Variants in TMEM132C observed in about 807,000 individuals in gnomAD.
TMEM132C encodes the protein transmembrane protein 132C.
In TMEM132C, 29 loss-of-function variants were observed where a neutral mutation model predicts 61.4. The observed-to-expected ratio is 0.47, with a 90% confidence interval of 0.35 to 0.64. TMEM132C has a LOEUF of 0.64. TMEM132C is among the 30% of genes least tolerant of loss of function. TMEM132C has a pLI of 0.00. For synonymous variants in TMEM132C, 656 were observed against 633.1 expected (o/e 1.04, Z -0.54); for missense variants, 1,408 against 1,476.9 (o/e 0.95, Z 0.76).
chr12:128,359,121 G>A (rs1338973428), intron 1 of TMEM132C, among the ~76,000 whole-genome samples: 2 of 152,202 alleles, frequency 1.3e-5, no homozygotes, highest in African/African-American at 4.8e-5. Flanking sequence ...AAGTAGTGGA[G>A]CCCAGGACTC....
At position 128,415,284 on chromosome 12, in the gene TMEM132C, G is replaced by A. The variant is rs1396492058; in HGVS notation, c.638G>A (p.Gly213Glu). 9.4e-6 allele frequency: 15 copies of A among 1,597,714 alleles called. No homozygotes were observed. Among genetic ancestry groups the A allele is most frequent in the Non-Finnish European group, 1.3e-5 (15 of 1,172,068 alleles). The change falls in exon 2 of 9, where the codon GGG becomes GAG. Residue 213 changes from glycine to glutamate, a missense_variant. Transcript: ENST00000435159. The surrounding 1 kb of genome is among the most constrained non-coding windows in gnomAD (Gnocchi z 5.8). ...TTCAGTGCCCCGACGGTGGGTGCCG[G>A]GAGGAAGAAGTCCATGGACCAGCCG... The part of the protein sequence containing the change: ...SWFSAPTVGA[G>E]RKKSMDQPEG...
chr12:128,531,605 C>A (rs1873308172), intron 2 of TMEM132C, among the ~76,000 whole-genome samples: 1 of 152,248 alleles, frequency 6.6e-6, no homozygotes, highest in Admixed American at 6.5e-5. Flanking sequence ...AGGCACATAC[C>A]TGCTCACATG....
intron 1 of TMEM132C, among the ~76,000 whole-genome samples, chr12:128,382,970 A>G (rs918175942): frequency 6.6e-6 from 1 of 151,562 alleles, no homozygotes; most frequent in Non-Finnish European, 1.5e-5. Context: ...GTGTGTGTGT[A>G]CAGGTCTGTC....
rs1868717425 is a variant in TMEM132C, at chr12:128,415,082, A to G, written c.436A>G (p.Lys146Glu). The G allele has an allele frequency of 6.2e-7, 1 of 1,605,058 alleles. No individual in the cohort carries two copies. The highest frequency in any genetic ancestry group is 1.3e-5 in the African/African-American group (1 of 74,660). Residue 146 changes from lysine to glutamate, a missense_variant, in exon 2 of 9, where the codon AAA becomes GAA. Coordinates refer to ENST00000435159, the MANE Select transcript of TMEM132C (RefSeq NM_001136103.3). This position sits in a 1 kb window ranked among gnomAD's most constrained non-coding sequence, Gnocchi z 5.8. The part of the protein sequence containing the change: ...LRDKVYLSRP[K>E]VQVLFHIMGR... ...GGACAAAGTCTACCTGAGCCGGCCC[A>G]AAGTGCAGGTTCTTTTCCACATCAT...
intron 3 of TMEM132C, among the ~76,000 whole-genome samples, chr12:128,612,001 C>T (rs1293877280): frequency 2.0e-5 from 3 of 152,122 alleles, no homozygotes; most frequent in African/African-American, 7.2e-5. Context: ...TTTTTAGAGA[C>T]GAAGAAGACA....
chr12:128,518,151 C>T (rs570940232), intron 2 of TMEM132C, among the ~76,000 whole-genome samples: 6 of 152,324 alleles, frequency 3.9e-5, no homozygotes, highest in Non-Finnish European at 5.9e-5. Flanking sequence ...CTCGGCCCTG[C>T]GCTTTCTGGG....
At chr12:128,533,232 T>A (rs755957013) in intron 2 of TMEM132C, among the ~76,000 whole-genome samples, 5 of 152,198 alleles carry the variant, frequency 3.3e-5, no homozygotes, top group Non-Finnish European at 7.3e-5. Flanking sequence ...AATGGGACCC[T>A]ACAGCTGCTG....
chr12:128,304,112 A>G (rs866274497), intron 1 of TMEM132C, among the ~76,000 whole-genome samples: 1 of 152,196 alleles, frequency 6.6e-6, no homozygotes, highest in Non-Finnish European at 1.5e-5. Flanking sequence ...GATACCCTTC[A>G]TGTTACACAA....
At chr12:128,551,434 C>T (rs1330159955) in intron 3 of TMEM132C, among the ~76,000 whole-genome samples, 5 of 152,144 alleles carry the variant, frequency 3.3e-5, no homozygotes, top group Admixed American at 6.5e-5. Flanking sequence ...CACCAGACCG[C>T]GTGGCATTTG....
rs139905361 is a variant in TMEM132C at position 128,568,598 on chromosome 12, C to T, written c.1121+24495C>T. The stretch of plus-strand genomic sequence containing the variant: ...CAGATGCTGAAACTGAAGCCCAGAG[C>T]GTTTAAGAAATGCTCCAAGGTCACA... On this transcript the variant is annotated intron_variant, in intron 3 of 8. Coordinates refer to ENST00000435159, the MANE Select transcript of TMEM132C (RefSeq NM_001136103.3). Among the ~76,000 whole-genome samples, 226 of 152,272 alleles carry T rather than the reference C, an allele frequency of 1.5e-3. 1 individual carries two copies. The highest frequency in any genetic ancestry group is 3.4e-3 in the Middle Eastern group (1 of 294).
intron 1 of TMEM132C, among the ~76,000 whole-genome samples, chr12:128,402,499 T>C (rs1409520154): frequency 1.3e-5 from 2 of 152,160 alleles, no homozygotes; most frequent in Non-Finnish European, 2.9e-5. Context: ...AAAATACATA[T>C]GTGTTGTTTT....
At chr12:128,627,489 T>A (rs1954027037) in intron 4 of TMEM132C, among the ~76,000 whole-genome samples, 1 of 152,174 alleles carries the variant, frequency 6.6e-6, no homozygotes, top group South Asian at 2.1e-4. Flanking sequence ...GGATTTTGTC[T>A]CTATCTCATT....
At chr12:128,584,797 G>A (rs1875478820) in intron 3 of TMEM132C, among the ~76,000 whole-genome samples, 2 of 152,180 alleles carry the variant, frequency 1.3e-5, no homozygotes, top group African/African-American at 2.4e-5. Flanking sequence ...CTGGGCGAGG[G>A]CCGGGGGGTC....
At chr12:128,656,851 A>T (rs1029693069) in intron 4 of TMEM132C, among the ~76,000 whole-genome samples, 1 of 152,194 alleles carries the variant, frequency 6.6e-6, no homozygotes, top group African/African-American at 2.4e-5. Flanking sequence ...GAGAGTGGAT[A>T]TTGAGAGGCA....
intron 3 of TMEM132C, among the ~76,000 whole-genome samples, chr12:128,583,229 G>A (rs1304594964): frequency 6.6e-6 from 1 of 152,022 alleles, no homozygotes; most frequent in East Asian, 1.9e-4. Context: ...TCATTAATAG[G>A]TATGACTGTA....
rs912601486 is a variant in TMEM132C, at chr12:128,407,079, C to A, written c.86-7653C>A. The stretch of plus-strand genomic sequence containing the variant: ...GGTTTGGCCATGTCCCCACCCAAAT[C>A]TCATCTCGAATTGTATCTCCCGTAA... On this transcript the variant is annotated intron_variant, in intron 1 of 8. Transcript: ENST00000435159. Among the ~76,000 whole-genome samples the A allele has an allele frequency of 7.2e-5, 11 of 152,238 alleles. 1 individual carries two copies. The highest frequency in any genetic ancestry group is 2.0e-4 in the Admixed American group (3 of 15,292).
intron 4 of TMEM132C, among the ~76,000 whole-genome samples, chr12:128,651,716 G>A (rs141642338): frequency 2.6e-5 from 4 of 152,090 alleles, no homozygotes; most frequent in Admixed American, 1.3e-4. Flanking sequence ...GAATGGGAAT[G>A]GGGGGTGAAG....
intron 2 of TMEM132C, among the ~76,000 whole-genome samples, chr12:128,456,066 T>A (rs1253196795): frequency 6.6e-6 from 1 of 152,112 alleles, no homozygotes; most frequent in Non-Finnish European, 1.5e-5. Context: ...TGAGGAGGAT[T>A]CTGAGGCCAT....
At chr12:128,355,341 G>T (rs948758014) in intron 1 of TMEM132C, among the ~76,000 whole-genome samples, 1 of 152,106 alleles carries the variant, frequency 6.6e-6, no homozygotes, top group Non-Finnish European at 1.5e-5. Context: ...TCCCTCTGGG[G>T]CTGCCATCTG....
Sources: gnomAD v4.1 joint callset for allele counts (sites outside exome capture counted in the v4.1 genomes callset) on GRCh38, gnomAD v4.1.1 for gene constraint, Gnocchi (gnomAD v3.1) non-coding constraint, MANE v1.5 for transcripts, NCBI Gene and HGNC (gene_info 2026-07-23, HGNC 2026-07-21) for gene names.